ZNF682: variants seen among roughly 807,000 people sequenced by gnomAD.
The protein encoded by ZNF682 is zinc finger protein 682.
Under a neutral mutation model 36.5 loss-of-function variants are expected in ZNF682, and 29 were observed. That is an observed-to-expected ratio of 0.80 (90% CI 0.59 to 1.08). The LOEUF (loss-of-function observed/expected upper bound fraction) is 1.08. ZNF682 is among the 50% of genes least tolerant of loss of function. The probability of loss-of-function intolerance (pLI) is 0.00; values close to 1 mark genes in which losing one functional copy is unlikely to be tolerated. For synonymous variants in ZNF682, 180 were observed against 197.0 expected (o/e 0.91, Z 0.72); for missense variants, 561 against 579.7 (o/e 0.97, Z 0.33).
At chr19:20,021,052 G>A (rs1165705749) in intron 3 of ZNF682, among the ~76,000 whole-genome samples, 1 of 53,464 alleles carries the variant, frequency 1.9e-5, no homozygotes, top group East Asian at 2.7e-4. Flanking sequence ...GGCTTCCCTG[G>A]GCCACAGTGG....
intron 3 of ZNF682, among the ~76,000 whole-genome samples, chr19:20,018,169 C>G (rs985330256): frequency 6.2e-5 from 8 of 129,160 alleles, no homozygotes; most frequent in Non-Finnish European, 1.3e-4. Context: ...TCTCGGCTCA[C>G]TGCAAGCTCC....
At chr19:20,013,114 T>C (rs1334578849) in intron 3 of ZNF682, among the ~76,000 whole-genome samples, 1 of 152,108 alleles carries the variant, frequency 6.6e-6, no homozygotes, top group African/African-American at 2.4e-5. Context: ...AGAAGAATGG[T>C]ACAAGTCATT....
At chr19:20,008,310 A>C (rs2088248528) in intron 3 of ZNF682, 1 of 152,252 alleles carries the variant, frequency 6.6e-6, no homozygotes, top group Non-Finnish European at 1.5e-5. Context: ...GCAGCATAGA[A>C]CATCTGGAAG....
At chr19:19,997,954 G>C (rs1283947271) in intron 3 of ZNF682, among the ~76,000 whole-genome samples, 1 of 152,202 alleles carries the variant, frequency 6.6e-6, no homozygotes, top group African/African-American at 2.4e-5. Flanking sequence ...CATGCACCTT[G>C]AGTTATTATT....
At chr19:20,012,386 C>T (rs960741184) in intron 3 of ZNF682, among the ~76,000 whole-genome samples, 1 of 152,040 alleles carries the variant, frequency 6.6e-6, no homozygotes, top group Non-Finnish European at 1.5e-5. Flanking sequence ...AAATGACAAA[C>T]TATCAATAGA....
At chr19:20,012,636 C>T (rs1415840800) in intron 3 of ZNF682, among the ~76,000 whole-genome samples, 3 of 151,684 alleles carry the variant, frequency 2.0e-5, no homozygotes, top group African/African-American at 7.3e-5. Flanking sequence ...GGCATGGTGG[C>T]GGGCGCCTGT....
chr19:20,001,322 T>C (rs1372752209), downstream of ZNF682, among the ~76,000 whole-genome samples: 1 of 152,202 alleles, frequency 6.6e-6, no homozygotes. Flanking sequence ...AGGGAAGTTT[T>C]TATGCAAAAA....
At chr19:20,001,525 ACATCCTATTTC>A (rs777246427), downstream of ZNF682, among the ~76,000 whole-genome samples, 40 of 152,312 alleles carry the variant, frequency 2.6e-4, no homozygotes, top group Non-Finnish European at 3.5e-4. Flanking sequence ...GCCTGGTATA[ACATCCTATTTC>A]CATGTCAGTC....
At chr19:20,003,173 A>G (rs1318252248), downstream of ZNF682, among the ~76,000 whole-genome samples, 1 of 131,960 alleles carries the variant, frequency 7.6e-6, no homozygotes, top group African/African-American at 2.8e-5. Flanking sequence ...CGTGGGCGAC[A>G]GAGCAAGACT....
chr19:20,023,316 G>A (rs565174787), intron 2 of ZNF682, among the ~76,000 whole-genome samples: 1 of 152,102 alleles, frequency 6.6e-6, no homozygotes, highest in Non-Finnish European at 1.5e-5. Context: ...GGCCAACATG[G>A]TGAAACCCCA....
chr19:20,023,801 G>C (rs1348955274), intron 2 of ZNF682, among the ~76,000 whole-genome samples: 1 of 151,966 alleles, frequency 6.6e-6, no homozygotes, highest in African/African-American at 2.4e-5. Flanking sequence ...GGCCAACATA[G>C]TGAAACCTCC....
chr19:20,011,932 G>A (rs2088291626), intron 3 of ZNF682, among the ~76,000 whole-genome samples: 2 of 152,114 alleles, frequency 1.3e-5, no homozygotes, highest in Admixed American at 6.5e-5. Context: ...AGCTACCTGG[G>A]AGAGTGAGGC....
intron 1 of ZNF682, among the ~76,000 whole-genome samples, chr19:20,033,127 C>A (rs530667889): frequency 6.6e-6 from 1 of 151,950 alleles, no homozygotes; most frequent in South Asian, 2.1e-4. Context: ...ATTAGCCAGG[C>A]GTTGTGGTGG....
chr19:20,002,326 C>A (rs1207876184), downstream of ZNF682, among the ~76,000 whole-genome samples: 1 of 151,036 alleles, frequency 6.6e-6, no homozygotes, highest in South Asian at 2.1e-4. Flanking sequence ...ATCTCCTGAC[C>A]TCATGATCCG....
At chr19:20,021,709 AAT>A (rs2088385693) in intron 3 of ZNF682, among the ~76,000 whole-genome samples, 1 of 152,192 alleles carries the variant, frequency 6.6e-6, no homozygotes, top group Admixed American at 6.5e-5. Context: ...CACCTCAACT[AAT>A]ATAGTTGAAG....
chr19:20,035,810 A>G (rs955346438), intron 1 of ZNF682, among the ~76,000 whole-genome samples: 3 of 151,604 alleles, frequency 2.0e-5, no homozygotes, highest in African/African-American at 7.3e-5. Flanking sequence ...ATCCTGGCTC[A>G]CTGCAACCTC....
intron 3 of ZNF682, among the ~76,000 whole-genome samples, chr19:20,012,603 TA>T (rs1435695109): frequency 6.6e-6 from 1 of 151,606 alleles, no homozygotes; most frequent in African/African-American, 2.4e-5. Flanking sequence ...CCGTTTCTAC[TA>T]AAAAATACAA....
chr19:20,028,900 G>A (rs2088455462), intron 1 of ZNF682, among the ~76,000 whole-genome samples: 1 of 152,088 alleles, frequency 6.6e-6, no homozygotes, highest in South Asian at 2.1e-4. Flanking sequence ...CACCCTGGGA[G>A]GTGGGTACTA....
chr19:20,029,015 G>C (rs2088456715), intron 1 of ZNF682, among the ~76,000 whole-genome samples: 1 of 140,336 alleles, frequency 7.1e-6, no homozygotes, highest in South Asian at 2.2e-4. Flanking sequence ...GTCTTGCTGT[G>C]TTGCCCAGGC....
Sources: gnomAD v4.1 joint callset for allele counts (sites outside exome capture counted in the v4.1 genomes callset) on GRCh38, gnomAD v4.1.1 for gene constraint, MANE v1.5 for transcripts, NCBI Gene and HGNC (gene_info 2026-07-23, HGNC 2026-07-21) for gene names.